Variants in RGPD2 observed in about 807,000 individuals in gnomAD.
RGPD2 encodes the protein RANBP2-like and GRIP domain-containing protein 2.
Under a neutral mutation model 36.0 loss-of-function variants are expected in RGPD2, and 2 were observed. The observed-to-expected ratio is 0.06, with a 90% CI of 0.02 to 0.17. RGPD2 has a LOEUF of 0.17. Among genes scored for constraint, RGPD2 ranks in the 10% least tolerant of loss-of-function variants. The pLI is 1.00. For missense variants in RGPD2, 40 were observed against 464.3 expected (o/e 0.09, Z 8.40); for synonymous variants, 19 against 163.8 (o/e 0.12, Z 6.75).
At chr2:87,976,322 A>T in the RGPD2 span, among the ~76,000 whole-genome samples, 2 of 152,232 alleles carry the variant, frequency 1.3e-5, no homozygotes, top group African/African-American at 4.8e-5. Context: ...ATTGAAAATT[A>T]TCTAGTGCAA....
chr2:87,957,146 C>T, the RGPD2 span, among the ~76,000 whole-genome samples: 32 of 151,332 alleles, frequency 2.1e-4, 1 homozygote, highest in Admixed American at 2.1e-3. Context: ...TTTAGTCCCA[C>T]CCAAATTTAC....
chr2:87,771,401 T>TG (rs1685111423), intron 22 of RGPD2: 1 of 28,854 alleles, frequency 3.5e-5, no homozygotes, highest in African/African-American at 1.1e-4. Context: ...TTTTTTTTTT[T>TG]TTTTTTTTTT....
chr2:87,884,600 A>G, the RGPD2 span, among the ~76,000 whole-genome samples: 4 of 151,750 alleles, frequency 2.6e-5, no homozygotes, highest in Non-Finnish European at 4.4e-5. Flanking sequence ...TCATAAATGA[A>G]GAATGAGACA....
chr2:87,986,866 G>A, the RGPD2 span, among the ~76,000 whole-genome samples: 3 of 122,360 alleles, frequency 2.5e-5, no homozygotes, highest in African/African-American at 9.3e-5. Flanking sequence ...GATGACTACA[G>A]CGAAACTGTC....
the RGPD2 span, among the ~76,000 whole-genome samples, chr2:87,859,827 C>T: frequency 6.8e-6 from 1 of 148,080 alleles, no homozygotes; most frequent in East Asian, 2.0e-4. Context: ...GCATGTATGT[C>T]CCTTAATAGA....
intron 7 of RGPD2, among the ~76,000 whole-genome samples, chr2:87,805,808 C>T (rs1412084336): frequency 2.0e-5 from 3 of 151,468 alleles, no homozygotes; most frequent in Non-Finnish European, 2.9e-5. Context: ...TGCAGTGAGC[C>T]GAGATCGTGC....
At chr2:87,920,009 T>C in the RGPD2 span, among the ~76,000 whole-genome samples, 3 of 151,866 alleles carry the variant, frequency 2.0e-5, no homozygotes, top group African/African-American at 7.3e-5. Flanking sequence ...AAGCAAATAA[T>C]TGTAAAATGA....
At chr2:87,825,440 CGCCCGGCCAGGCCGAGGCCGAGGCCGAG>C (rs1427915042) in intron 1 of RGPD2, among the ~76,000 whole-genome samples, 190 bp downstream of exon 1, 4 of 118,580 alleles carry the variant, frequency 3.4e-5, no homozygotes, top group Non-Finnish European at 7.8e-5. Flanking sequence ...CCGCCGCCGC[CGCCCGGCCAGGCCGAGGCCGAGGCCGAG>C]GCCGCCGTCG....
At chr2:87,864,601 G>GATAC in the RGPD2 span, among the ~76,000 whole-genome samples, 2 of 152,168 alleles carry the variant, frequency 1.3e-5, no homozygotes, top group Non-Finnish European at 2.9e-5. Flanking sequence ...TAGATAGATA[G>GATAC]ATAGATAGAT....
intron 4 of RGPD2, among the ~76,000 whole-genome samples, chr2:87,815,030 G>A (rs1454977933): frequency 9.3e-6 from 1 of 107,424 alleles, no homozygotes; most frequent in Non-Finnish European, 1.8e-5. Flanking sequence ...GTGAAGAGAA[G>A]TAAATAGCAT....
intron 6 of RGPD2, among the ~76,000 whole-genome samples, chr2:87,809,098 T>G (rs1686047585): frequency 7.8e-6 from 1 of 128,992 alleles, no homozygotes. Flanking sequence ...AAGGTCAGGA[T>G]ATCAAGACCA....
the RGPD2 span, among the ~76,000 whole-genome samples, chr2:87,940,856 C>T: frequency 2.0e-5 from 3 of 151,244 alleles, no homozygotes; most frequent in South Asian, 2.1e-4. Flanking sequence ...GAAACTGATA[C>T]GTTTAAACAA....
the RGPD2 span, among the ~76,000 whole-genome samples, chr2:87,974,696 C>G: frequency 1.3e-5 from 2 of 152,190 alleles, no homozygotes; most frequent in African/African-American, 4.8e-5. Flanking sequence ...TGCCTTTGGT[C>G]AAGTCCTCAT....
the RGPD2 span, among the ~76,000 whole-genome samples, chr2:87,866,266 A>C: frequency 3.3e-5 from 5 of 151,736 alleles, no homozygotes; most frequent in East Asian, 9.8e-4. Flanking sequence ...TATTTTATCT[A>C]AATTTGTATA....
At chr2:87,824,423 A>C (rs1193770041) in intron 1 of RGPD2, among the ~76,000 whole-genome samples, 1 of 152,110 alleles carries the variant, frequency 6.6e-6, no homozygotes. Context: ...CATTCTAGAA[A>C]GCATGGGCAG....
the RGPD2 span, among the ~76,000 whole-genome samples, chr2:87,975,857 A>G: frequency 6.6e-6 from 1 of 151,618 alleles, no homozygotes; most frequent in Non-Finnish European, 1.5e-5. Context: ...TTCTGCAACT[A>G]GATTATAAGA....
At chr2:87,983,964 T>C in the RGPD2 span, among the ~76,000 whole-genome samples, 1 of 152,148 alleles carries the variant, frequency 6.6e-6, no homozygotes, top group East Asian at 1.9e-4. Context: ...TTACTCTGAG[T>C]GACATGGGAA....
At chr2:87,825,444 CGGCCAGGCCGA>C (rs1686696472) in intron 1 of RGPD2, among the ~76,000 whole-genome samples, 1 of 111,442 alleles carries the variant, frequency 9.0e-6, no homozygotes, top group South Asian at 2.6e-4. Flanking sequence ...CGCCGCCGCC[CGGCCAGGCCGA>C]GGCCGAGGCC....
chr2:87,930,838 T>G, the RGPD2 span, among the ~76,000 whole-genome samples: 1 of 149,676 alleles, frequency 6.7e-6, no homozygotes, highest in East Asian at 2.0e-4. Flanking sequence ...TCCAGTTTTT[T>G]TTTTTTTTTT....
Sources: gnomAD v4.1 joint callset for allele counts (sites outside exome capture counted in the v4.1 genomes callset) on GRCh38, gnomAD v4.1.1 for gene constraint, MANE v1.5 for transcripts, NCBI Gene and HGNC (gene_info 2026-07-23, HGNC 2026-07-21) for gene names.